The following UBR1 variants were observed in gnomAD, a reference collection of about 807,000 sequenced individuals.
The protein encoded by UBR1 is E3 ubiquitin-protein ligase UBR1.
UBR1 carries 102 observed loss-of-function variants against 242.1 expected under a neutral mutation model. That is an observed-to-expected ratio of 0.42 (90% CI 0.36 to 0.50). The LOEUF (loss-of-function observed/expected upper bound fraction) is 0.50, where lower values mean the gene tolerates loss of function less well. Among genes scored for constraint, UBR1 ranks in the 20% least tolerant of loss-of-function variants. The probability of loss-of-function intolerance (pLI) is 0.01; values close to 1 mark genes in which losing one functional copy is unlikely to be tolerated. For missense variants in UBR1, 1,772 were observed against 2,101.8 expected, an observed-to-expected ratio of 0.84 and a Z score of 3.07; for synonymous variants, 675 against 684.8, an observed-to-expected ratio of 0.99 and a Z score of 0.22.
chr15:43,095,068 T>C (rs1021681977), intron 1 of UBR1, among the ~76,000 whole-genome samples: 2 of 152,206 alleles, frequency 1.3e-5, no homozygotes, highest in African/African-American at 4.8e-5. Flanking sequence ...TTTCATAAAC[T>C]CTGAGGTATC....
At chr15:43,066,446 C>A (rs1435629322) in intron 6 of UBR1, among the ~76,000 whole-genome samples, 1 of 152,084 alleles carries the variant, frequency 6.6e-6, no homozygotes. Flanking sequence ...GCTATTTAGG[C>A]CCTTTTTTGG....
intron 33 of UBR1, among the ~76,000 whole-genome samples, chr15:42,993,940 A>C (rs80255624): frequency 6.6e-6 from 1 of 151,972 alleles, no homozygotes; most frequent in African/African-American, 2.4e-5. Flanking sequence ...CAATCTGAGC[A>C]TTGTCTCTTT....
At chr15:43,040,652 C>A (rs2033405134) in intron 15 of UBR1, among the ~76,000 whole-genome samples, 2 of 152,158 alleles carry the variant, frequency 1.3e-5, no homozygotes, top group Admixed American at 1.3e-4. Context: ...TCAGAGTGAA[C>A]AGGCAACCTA....
intron 3 of UBR1, among the ~76,000 whole-genome samples, chr15:43,076,431 C>A (rs1019891868): frequency 2.0e-5 from 3 of 151,898 alleles, no homozygotes; most frequent in Non-Finnish European, 4.4e-5. Flanking sequence ...GCGTCTCTGC[C>A]CGGCCGCCAT....
rs146271578 is a variant in UBR1 at position 42,998,256 on chromosome 15, T to C, written c.3669A>G (p.Ala1223=). 1.1e-3 allele frequency: 1,797 copies of C among 1,613,714 alleles called. No individual in the cohort carries two copies. Among genetic ancestry groups the C allele is most frequent in the Non-Finnish European group, 1.4e-3 (1,644 of 1,179,696 alleles). ...GGGTCAAAAGTTGAGCAAGAGCATC[T>C]GCATTCTCACTGAAAAATGATATTT... ...LQPQKINSEN[A]DALAQLLTLA... The change falls in exon 33 of 47, where the codon GCA becomes GCG. Residue 1223 remains alanine, a synonymous_variant. Transcript: ENST00000290650.
chr15:42,952,493 C>G (rs1465415700), intron 44 of UBR1, 45 bp from the exon 45 acceptor site: 1 of 1,606,114 alleles, frequency 6.2e-7, no homozygotes, highest in Admixed American at 1.7e-5. Context: ...AAAAACAAAA[C>G]AAAACAAATA....
intron 15 of UBR1, among the ~76,000 whole-genome samples, chr15:43,038,736 G>A (rs747615103): frequency 1.3e-5 from 2 of 152,118 alleles, no homozygotes; most frequent in Non-Finnish European, 2.9e-5. Flanking sequence ...TGCAAGGTGT[G>A]CTCATACCTT....
intron 1 of UBR1, among the ~76,000 whole-genome samples, chr15:43,091,166 G>A (rs936774280): frequency 1.3e-5 from 2 of 152,018 alleles, no homozygotes. Context: ...TTGAACTCCC[G>A]ACCTCAGGTG....
chr15:43,047,370 G>C, intron 13 of UBR1, 81 bp from the exon 14 acceptor site: 1 of 1,594,892 alleles, frequency 6.3e-7, no homozygotes, highest in Non-Finnish European at 8.6e-7. Flanking sequence ...AAAACTGTCA[G>C]GATTCATAAC....
chr15:42,950,255 A>T lies in UBR1; in HGVS notation c.5108+7T>A. 1 of 1,613,108 alleles carries T rather than the reference A, an allele frequency of 6.2e-7. No homozygotes were observed. The highest frequency in any genetic ancestry group is 8.5e-7 in the Non-Finnish European group (1 of 1,179,064). ...GAAACCTTCCTATTATATAAAAAAA[A>T]TCTTACTTCAGGCCAGGGTCTGTTT... is the stretch of plus-strand genomic sequence containing the variant. On this transcript the variant is annotated splice_region_variant and intron_variant, in intron 46 of 46. Coordinates refer to ENST00000290650, the MANE Select transcript of UBR1 (RefSeq NM_174916.3).
At chr15:43,023,918 T>A (rs765507521) in intron 25 of UBR1, among the ~76,000 whole-genome samples, 12 of 151,166 alleles carry the variant, frequency 7.9e-5, no homozygotes, top group Non-Finnish European at 1.6e-4. Flanking sequence ...TACATTTTAT[T>A]GTTCTTTGTT....
intron 6 of UBR1, among the ~76,000 whole-genome samples, chr15:43,066,580 C>A (rs947699819): frequency 2.6e-5 from 4 of 151,992 alleles, no homozygotes; most frequent in African/African-American, 9.7e-5. Context: ...AATGGTGATT[C>A]TTCCCATCCA....
Position 42,950,276 on chromosome 15 carries a change from T to A in UBR1, c.5094A>T (p.Thr1698=), listed in dbSNP as rs1186181305. ...AAAAATCTTACTTCAGGCCAGGGTC[T>A]GTTTCTCCATATTCATCCAAGTAAG... is the stretch of plus-strand genomic sequence containing the variant. ...PAPYLDEYGE[T]DPGLKRGNPL... Residue 1698 remains threonine (T), a synonymous_variant, in exon 46 of 47, where the codon ACA becomes ACT. Transcript: ENST00000290650. 3 of 1,614,200 alleles carry A rather than the reference T, an allele frequency of 1.9e-6. No individual in the cohort carries two copies. In the East Asian group the frequency reaches 6.7e-5, roughly 36 times the overall value.
At chr15:43,083,943 T>C (rs1437712420) in intron 2 of UBR1, among the ~76,000 whole-genome samples, 1 of 151,062 alleles carries the variant, frequency 6.6e-6, no homozygotes, top group African/African-American at 2.4e-5. Context: ...ACTCAGGAGG[T>C]TGAGGCAGGA....
At chr15:43,073,626 A>G (rs2033851573) in intron 4 of UBR1, among the ~76,000 whole-genome samples, 1 of 152,202 alleles carries the variant, frequency 6.6e-6, no homozygotes, top group African/African-American at 2.4e-5. Flanking sequence ...AACAGGTTTT[A>G]CTTCATCTAG....
At chr15:43,034,274 AAATAAATAGAT>A (rs1311992058) in intron 19 of UBR1, among the ~76,000 whole-genome samples, 6 of 106,584 alleles carry the variant, frequency 5.6e-5, no homozygotes, top group Admixed American at 3.0e-4. Context: ...ATAAATAAAT[AAATAAATAGAT>A]AAATAAATGA....
At chr15:42,978,105 A>T (rs2032318236) in intron 37 of UBR1, among the ~76,000 whole-genome samples, 158 bp from the exon 38 acceptor site, 10 of 152,240 alleles carry the variant, frequency 6.6e-5, no homozygotes, top group Admixed American at 6.5e-4. Context: ...ATAATGAGAG[A>T]CAAACTGAAC....
chr15:43,039,469 GCTCT>G (rs1384079527), intron 15 of UBR1, among the ~76,000 whole-genome samples: 7 of 152,064 alleles, frequency 4.6e-5, no homozygotes, highest in African/African-American at 1.7e-4. Context: ...TCACGATTTG[GCTCT>G]CTGTTTGTCT....
At chr15:42,977,743 C>A in intron 38 of UBR1, 137 bp downstream of exon 38, 41 of 548,368 alleles carry the variant, frequency 7.5e-5, no homozygotes, top group Non-Finnish European at 8.5e-5. Context: ...TATTTGTAAA[C>A]AATGGACAGG....
Sources: gnomAD v4.1 joint callset for allele counts (sites outside exome capture counted in the v4.1 genomes callset) on GRCh38, gnomAD v4.1.1 for gene constraint, MANE v1.5 for transcripts, NCBI Gene and HGNC (gene_info 2026-07-23, HGNC 2026-07-21) for gene names.